TLR7: variants seen among roughly 807,000 people sequenced by gnomAD.
The protein encoded by TLR7 is toll like receptor 7.
A neutral mutation model predicts 38.3 loss-of-function variants in TLR7; 12 were observed. The ratio of observed to expected loss-of-function variants is 0.31; its 90% CI spans 0.20 to 0.51. The LOEUF (loss-of-function observed/expected upper bound fraction) is 0.51. Ranked by LOEUF, TLR7 falls within the 20% of genes least tolerant of loss-of-function variation. The pLI, the probability that TLR7 is intolerant of heterozygous loss-of-function variation, is 0.98. For synonymous variants in TLR7, 285 were observed against 293.8 expected, an observed-to-expected ratio of 0.97 and a Z score of 0.31; for missense variants, 504 against 743.4, an observed-to-expected ratio of 0.68 and a Z score of 3.74.
chrX:12,888,138 A>G lies in TLR7; in HGVS notation c.2630A>G (p.Lys877Arg), dbSNP rs766909429. 20 of 1,211,916 alleles carry G rather than the reference A, an allele frequency of 1.7e-5. No homozygotes were observed. Among genetic ancestry groups the G allele is most frequent in the Non-Finnish European group, 2.2e-5 (20 of 895,428 alleles). ...TATATTTACCATTTCTGTAAGGCCAAGATAAAGGGGTATCAGCGTCTAATA... is the reference window on the plus strand; with the variant it reads ...TATATTTACCATTTCTGTAAGGCCAGGATAAAGGGGTATCAGCGTCTAATA... ...VWYIYHFCKA[K>R]IKGYQRLISP... The change falls in exon 3 of 3, where the codon AAG becomes AGG. Residue 877 changes from lysine (K) to arginine (R), a missense_variant. By Grantham distance (26) the Lys-to-Arg change is conservative (BLOSUM62 2). Coordinates refer to ENST00000380659, the MANE Select transcript of TLR7 (RefSeq NM_016562.4).
rs1327114291 is a variant in TLR7 at position 12,885,462 on chromosome X, G to A, written c.4-50G>A. The A allele has an allele frequency of 1.7e-5, 18 of 1,074,193 alleles. No homozygotes were observed. The East Asian group carries it at 5.5e-4, about 33-fold the overall frequency. The allele number at this position is 1,074,193 out of a possible 1,213,427, so 88.5% of individuals were successfully genotyped here. A position where few individuals can be genotyped will look rare whatever the true frequency, so the allele number is the denominator to read the frequency against. On this transcript the variant is annotated intron_variant, in intron 2 of 2. Transcript: ENST00000380659. ...GCAGCAAATGGGAATTTTTAATTCT[G>A]ATTCTTGGTATGTTTTAGAACAATG...
Position 12,867,466 on chromosome X carries a change from TTC to T in TLR7, c.-98-11_-98-10del, listed in dbSNP as rs1282796225. The T allele has an allele frequency of 1.6e-6, 1 of 643,204 alleles. No homozygotes were observed. The highest frequency in any genetic ancestry group is 2.5e-6 in the Non-Finnish European group (1 of 399,953). 53.0% of individuals were successfully genotyped at this position (643,204 alleles called of 1,213,427 possible). A position where few individuals can be genotyped will look rare whatever the true frequency, so the allele number is the denominator to read the frequency against. ...TCTTTGAAATGTAAACTTTGATGTC[TTC>T]TCTTTCTCTTAGTTGATGCTATTGG... is the stretch of plus-strand genomic sequence containing the variant. On this transcript the variant is annotated splice_polypyrimidine_tract_variant and intron_variant, in intron 1 of 2. Transcript: ENST00000380659.
rs765664324 is a variant in TLR7, at chrX:12,873,562, A to T, written c.3+5981A>T. 3.6e-5 allele frequency among the ~76,000 whole-genome samples: 4 copies of T among 111,827 alleles called. No individual in the cohort carries two copies. In the South Asian group the frequency reaches 1.5e-3, roughly 42 times the overall value. ...CTTATTTCCTCTGTAATTTGATTTT[A>T]AAAGTTTTAATAAAAAACAATACAT... On this transcript the variant is annotated intron_variant, in intron 2 of 2. Coordinates refer to ENST00000380659, the MANE Select transcript of TLR7 (RefSeq NM_016562.4).
intron 2 of TLR7, among the ~76,000 whole-genome samples, chrX:12,867,839 A>G (rs1245077171): frequency 8.9e-6 from 1 of 112,560 alleles, no homozygotes. Flanking sequence ...TGAATTGGGG[A>G]CATAGCTTCT....
intron 2 of TLR7, among the ~76,000 whole-genome samples, chrX:12,883,279 A>T (rs780614604): frequency 3.1e-4 from 35 of 112,162 alleles, no homozygotes; most frequent in Admixed American, 2.8e-3. Flanking sequence ...ATATATTCTG[A>T]GGTATCTGAG....
chrX:12,880,179 A>G (rs1035644274), intron 2 of TLR7, among the ~76,000 whole-genome samples: 3 of 112,027 alleles, frequency 2.7e-5, no homozygotes, highest in African/African-American at 9.7e-5. Flanking sequence ...GTCAACTGAA[A>G]GAATGAATAT....
In TLR7 at chrX:12,887,626, C is replaced by G. The variant is rs747975702; in HGVS notation, c.2118C>G (p.Leu706=). The G allele has an allele frequency of 1.7e-6, 2 of 1,210,198 alleles. No homozygotes were observed. Among genetic ancestry groups the G allele is most frequent in the South Asian group, 3.5e-5 (2 of 56,689 alleles). The change falls in exon 3 of 3, where the codon CTC becomes CTG. Residue 706 remains leucine (L), a synonymous_variant. Transcript: ENST00000380659. ...QCLKNLETLD[L]SHNQLTTVPE... ...TAAAGAACCTGGAAACTTTGGACCT[C>G]AGCCACAACCAACTGACCACTGTCC...
chrX:12,872,113 T>A (rs946030276), intron 2 of TLR7, among the ~76,000 whole-genome samples: 1 of 111,604 alleles, frequency 9.0e-6, no homozygotes, highest in Non-Finnish European at 1.9e-5. Context: ...ACTCTCCATT[T>A]TCTCCTCTTT....
intron 2 of TLR7, among the ~76,000 whole-genome samples, chrX:12,875,193 C>A (rs759318743): frequency 3.6e-5 from 4 of 111,451 alleles, no homozygotes; most frequent in Non-Finnish European, 7.5e-5. Context: ...TTAGCCCTTG[C>A]CCCACAATCT....
In TLR7 at chrX:12,887,326, T is replaced by C. The variant is rs780936917; in HGVS notation, c.1818T>C (p.Asn606=). The change falls in exon 3 of 3, where the codon AAT becomes AAC. Residue 606 remains asparagine, a synonymous_variant. Coordinates refer to ENST00000380659, the MANE Select transcript of TLR7 (RefSeq NM_016562.4). ...KVLQKLMMND[N]DISSSTSRTM... is the part of the protein sequence containing the mutation. ...TGCAGAAACTGATGATGAACGACAA[T>C]GACATCTCTTCCTCCACCAGCAGGA... The C allele has an allele frequency of 1.7e-6, 2 of 1,211,972 alleles. No individual in the cohort carries two copies.
chrX:12,885,493 T>C lies in TLR7; in HGVS notation c.4-19T>C, dbSNP rs2147245210. 3 of 1,152,879 alleles carry C rather than the reference T, an allele frequency of 2.6e-6. No individual in the cohort carries two copies. The East Asian group carries it at 9.0e-5, about 35-fold the overall frequency. On this transcript the variant is annotated intron_variant, in intron 2 of 2. Transcript: ENST00000380659. ...TGGTATGTTTTAGAACAATGATTTG[T>C]TCTTTCTTATACTTTCAGGTGTTTC...
At chrX:12,872,310 G>T (rs1259758362) in intron 2 of TLR7, among the ~76,000 whole-genome samples, 1 of 111,678 alleles carries the variant, frequency 9.0e-6, no homozygotes, top group African/African-American at 3.3e-5. Context: ...CTCCCACAGG[G>T]TCTCTCTTGG....
At chrX:12,881,008 C>G (rs2042889134) in intron 2 of TLR7, among the ~76,000 whole-genome samples, 1 of 110,144 alleles carries the variant, frequency 9.1e-6, no homozygotes, top group South Asian at 3.9e-4. Context: ...GGGTGGTTCA[C>G]TTGGGGTCAG....
At chrX:12,874,136 A>G (rs1055105165) in intron 2 of TLR7, among the ~76,000 whole-genome samples, 2 of 111,457 alleles carry the variant, frequency 1.8e-5, no homozygotes, top group African/African-American at 3.3e-5. Context: ...CCTGGCCAAC[A>G]TGGTGAAACC....
rs767768504 is a variant in TLR7 at position 12,871,959 on chromosome X, T to C, written c.3+4378T>C. ...CCAGATAATAGCTATGCAAAGAATA[T>C]ATAATAGACTGGCAGGGGCATGCCT... is the stretch of plus-strand genomic sequence containing the variant. On this transcript the variant is annotated intron_variant, in intron 2 of 2. Coordinates refer to ENST00000380659, the MANE Select transcript of TLR7 (RefSeq NM_016562.4). 4.5e-5 allele frequency among the ~76,000 whole-genome samples: 5 copies of C among 112,093 alleles called. No homozygotes were observed. The East Asian group carries it at 8.4e-4, about 19-fold the overall frequency.
chrX:12,885,502 A>C lies in TLR7; in HGVS notation c.4-10A>C. 1 of 1,170,177 alleles carries C rather than the reference A, an allele frequency of 8.5e-7. No individual in the cohort carries two copies. The highest frequency in any genetic ancestry group is 1.1e-6 in the Non-Finnish European group (1 of 869,787). On this transcript the variant is annotated splice_polypyrimidine_tract_variant and intron_variant, in intron 2 of 2. Coordinates refer to ENST00000380659, the MANE Select transcript of TLR7 (RefSeq NM_016562.4). The stretch of plus-strand genomic sequence containing the variant: ...TTAGAACAATGATTTGTTCTTTCTT[A>C]TACTTTCAGGTGTTTCCAATGTGGA...
chrX:12,867,468 C>G lies in TLR7; in HGVS notation c.-98-13C>G. 1 of 654,016 alleles carries G rather than the reference C, an allele frequency of 1.5e-6. No individual in the cohort carries two copies. Among genetic ancestry groups the G allele is most frequent in the East Asian group, 3.3e-5 (1 of 30,509 alleles). 53.9% of individuals were successfully genotyped at this position (654,016 alleles called of 1,213,427 possible). On this transcript the variant is annotated splice_polypyrimidine_tract_variant and intron_variant, in intron 1 of 2. Coordinates refer to ENST00000380659, the MANE Select transcript of TLR7 (RefSeq NM_016562.4). ...TTTGAAATGTAAACTTTGATGTCTT[C>G]TCTTTCTCTTAGTTGATGCTATTGG...
At chrX:12,878,741 A>G (rs764489852) in intron 2 of TLR7, among the ~76,000 whole-genome samples, 12 of 109,702 alleles carry the variant, frequency 1.1e-4, no homozygotes, top group Admixed American at 2.9e-4. Flanking sequence ...CCCTCTCTCA[A>G]TTGAATCAAC....
intron 2 of TLR7, among the ~76,000 whole-genome samples, chrX:12,871,691 G>A (rs770870254): frequency 1.8e-5 from 2 of 111,610 alleles, no homozygotes; most frequent in East Asian, 2.8e-4. Context: ...CTTGAAAGTC[G>A]CTTGGAGGAA....
Sources: allele counts gnomAD v4.1 joint callset (sites outside exome capture counted in the v4.1 genomes callset), GRCh38; gene constraint gnomAD v4.1.1; transcripts MANE v1.5; gene names NCBI Gene and HGNC (gene_info 2026-07-23, HGNC 2026-07-21).